The following AP4S1 variants were observed in gnomAD, a reference collection of about 807,000 sequenced individuals.
AP4S1 encodes adaptor related protein complex 4 subunit sigma 1.
A neutral mutation model predicts 19.8 loss-of-function variants in AP4S1; 23 were observed. The observed-to-expected ratio is 1.16, with a 90% CI of 0.84 to 1.65. The LOEUF (loss-of-function observed/expected upper bound fraction) is 1.65, where lower values mean the gene tolerates loss of function less well. AP4S1 is among the 40% of genes most tolerant of loss of function. The pLI, the probability that AP4S1 is intolerant of heterozygous loss-of-function variation, is 0.00. For missense variants in AP4S1, 166 were observed against 172.8 expected (o/e 0.96, Z 0.22); for synonymous variants, 46 against 54.1 (o/e 0.85, Z 0.66).
At chr14:31,043,530 A>C (rs1234269797) in intron 1 of AP4S1, among the ~76,000 whole-genome samples, 1 of 152,178 alleles carries the variant, frequency 6.6e-6, no homozygotes, top group East Asian at 1.9e-4. Flanking sequence ...TCTTACCTAC[A>C]CTGGAGAGTA....
chr14:31,091,731 T>C (rs1018069563), intron 5 of AP4S1, among the ~76,000 whole-genome samples: 3 of 152,170 alleles, frequency 2.0e-5, no homozygotes, highest in Non-Finnish European at 4.4e-5. Flanking sequence ...ATATCTGGTC[T>C]GGTTGAAAAA....
chr14:31,048,159 T>C (rs1885529766), intron 1 of AP4S1, among the ~76,000 whole-genome samples: 1 of 150,610 alleles, frequency 6.6e-6, no homozygotes, highest in African/African-American at 2.4e-5. Context: ...AGTGGCATGA[T>C]CTCAGCTCAC....
At chr14:31,048,180 G>A (rs954652034) in intron 1 of AP4S1, among the ~76,000 whole-genome samples, 4 of 147,276 alleles carry the variant, frequency 2.7e-5, no homozygotes, top group South Asian at 2.2e-4. Flanking sequence ...TGCAACCCCC[G>A]TCTCCCAGGT....
chr14:31,065,984 A>G (rs753586872), intron 1 of AP4S1, 142 bp from the exon 2 acceptor site: 11 of 474,482 alleles, frequency 2.3e-5, no homozygotes, highest in Non-Finnish European at 2.6e-5. Context: ...TAAAACCTCA[A>G]TTAGTTCATA....
At chr14:31,060,974 C>A (rs371605465) in intron 1 of AP4S1, among the ~76,000 whole-genome samples, 1 of 152,068 alleles carries the variant, frequency 6.6e-6, no homozygotes, top group Admixed American at 6.6e-5. Context: ...ACTTCAACCT[C>A]CGCCTCCCGG....
intron 1 of AP4S1, among the ~76,000 whole-genome samples, chr14:31,030,490 A>G (rs1884324868): frequency 6.6e-6 from 1 of 152,138 alleles, no homozygotes; most frequent in Non-Finnish European, 1.5e-5. Flanking sequence ...CTACCTGTAC[A>G]CAACATCACT....
At chr14:31,025,283 T>G (rs1347468847), upstream of AP4S1, 2 of 153,822 alleles carry the variant, frequency 1.3e-5, no homozygotes, top group African/African-American at 4.8e-5. Flanking sequence ...TCCAAGTGAG[T>G]AAGGCAGCAT....
chr14:31,036,440 G>C (rs2139431048), intron 1 of AP4S1, among the ~76,000 whole-genome samples: 1 of 152,158 alleles, frequency 6.6e-6, no homozygotes. Context: ...GCTTATTTGG[G>C]GATACAGCAT....
chr14:31,051,523 A>G (rs888292713), intron 1 of AP4S1, among the ~76,000 whole-genome samples: 5 of 152,162 alleles, frequency 3.3e-5, no homozygotes, highest in African/African-American at 1.2e-4. Flanking sequence ...ATACAAAAAA[A>G]TACAAAAATC....
chr14:31,060,717 C>T (rs926046442), intron 1 of AP4S1, among the ~76,000 whole-genome samples: 3 of 152,176 alleles, frequency 2.0e-5, no homozygotes, highest in Non-Finnish European at 4.4e-5. Context: ...TGGTGTTCCC[C>T]AGCCTCTGTA....
In AP4S1 at chr14:31,092,496, A is replaced by C. The variant is rs145137362; in HGVS notation, c.307-411A>C. ...TACATCAGAGATTTGTAGAGGGCTG[A>C]AACTCAACACACTGTCTGGAACGGG... On this transcript the variant is annotated intron_variant, in intron 5 of 5. Transcript: ENST00000542754. Among the ~76,000 whole-genome samples, 299 of 152,278 alleles carry C rather than the reference A, an allele frequency of 2.0e-3. 2 individuals are homozygous for C. Among genetic ancestry groups the C allele is most frequent in the African/African-American group, 6.8e-3 (284 of 41,576 alleles).
chr14:31,047,969 G>GCC (rs1457114221), intron 1 of AP4S1, among the ~76,000 whole-genome samples: 1 of 151,210 alleles, frequency 6.6e-6, no homozygotes, highest in Non-Finnish European at 1.5e-5. Context: ...TAGCTACCAC[G>GCC]CCCAGCCTTA....
chr14:31,073,363 G>C (rs534409961), intron 4 of AP4S1, among the ~76,000 whole-genome samples: 1,726 of 132,592 alleles, frequency 0.013, 76 homozygotes, highest in African/African-American at 0.043. Flanking sequence ...GGTGGTGGGC[G>C]CCTGTAGTCC....
At chr14:31,039,691 C>T (rs991798760) in intron 1 of AP4S1, among the ~76,000 whole-genome samples, 8 of 150,202 alleles carry the variant, frequency 5.3e-5, no homozygotes, top group Non-Finnish European at 7.4e-5. Context: ...TCCGGGTTCA[C>T]GCCATTCTCC....
intron 4 of AP4S1, among the ~76,000 whole-genome samples, chr14:31,074,629 C>T (rs978086476): frequency 2.6e-5 from 4 of 151,998 alleles, no homozygotes. Context: ...GCTGAGATCA[C>T]GCCACTGCAC....
chr14:31,077,216 C>T (rs928617891), intron 4 of AP4S1, among the ~76,000 whole-genome samples: 3 of 152,198 alleles, frequency 2.0e-5, no homozygotes, highest in Non-Finnish European at 2.9e-5. Context: ...GGATTACAGG[C>T]GTGAGCCACC....
In AP4S1 at chr14:31,074,482, C is replaced by G. The variant is rs775632692; in HGVS notation, c.294+1509C>G. Among the ~76,000 whole-genome samples the G allele has an allele frequency of 2.5e-4, 38 of 152,250 alleles. 1 individual carries two copies. The highest frequency in any genetic ancestry group is 4.0e-4 in the Non-Finnish European group (27 of 68,028). On this transcript the variant is annotated intron_variant, in intron 4 of 5. Transcript: ENST00000542754. ...CCTGGCTAACACGGTGAAACCCTGT[C>G]TCCATCCTGGCTATCACGGTGAAAC...
chr14:31,076,176 T>A lies in AP4S1; in HGVS notation c.294+3203T>A, dbSNP rs186364731. On this transcript the variant is annotated intron_variant, in intron 4 of 5. Coordinates refer to ENST00000542754, the MANE Select transcript of AP4S1 (RefSeq NM_001128126.3). The stretch of plus-strand genomic sequence containing the variant: ...AACCATGCTTTCAGTTCTCTTGGAC[T>A]ACCTAGGAGCAGAATGTGGTAACTC... Among the ~76,000 whole-genome samples the A allele has an allele frequency of 2.7e-4, 41 of 152,346 alleles. 1 individual carries two copies. Among genetic ancestry groups the A allele is most frequent in the Non-Finnish European group, 5.0e-4 (34 of 68,034 alleles).
In AP4S1 at chr14:31,054,135, T is replaced by A. The variant is rs1227271398; in HGVS notation, c.-71-11991T>A. Among the ~76,000 whole-genome samples the A allele has an allele frequency of 2.0e-5, 3 of 152,218 alleles. No homozygotes were observed. In the East Asian group the frequency reaches 5.8e-4, roughly 29 times the overall value. On this transcript the variant is annotated intron_variant, in intron 1 of 5. Transcript: ENST00000542754. ...GATGCTCACTGTATACTAGGCACTG[T>A]GTGAGGATCTGAAGTAAGGTATAGA...
Sources: allele counts gnomAD v4.1 joint callset (sites outside exome capture counted in the v4.1 genomes callset), GRCh38; gene constraint gnomAD v4.1.1; transcripts MANE v1.5; gene names NCBI Gene and HGNC (gene_info 2026-07-23, HGNC 2026-07-21).